Variants in PTP4A1 observed in about 807,000 individuals in gnomAD.
PTP4A1 encodes protein tyrosine phosphatase 4A1, also known as protein tyrosine phosphatase type IVA 1.
PTP4A1 carries 9 observed loss-of-function variants against 20.5 expected under a neutral mutation model. The ratio of observed to expected loss-of-function variants is 0.44; its 90% confidence interval spans 0.26 to 0.77. The LOEUF is 0.77. PTP4A1 is among the 30% of genes least tolerant of loss of function. The pLI is 0.19. For missense variants in PTP4A1, 137 were observed against 218.8 expected, an observed-to-expected ratio of 0.63 and a Z score of 2.36; for synonymous variants, 78 against 67.4, an observed-to-expected ratio of 1.16 and a Z score of -0.77.
At chr6:63,568,933 C>T (rs1260712387), upstream of PTP4A1, among the ~76,000 whole-genome samples, 1 of 152,036 alleles carries the variant, frequency 6.6e-6, no homozygotes, top group Non-Finnish European at 1.5e-5. Context: ...GCCTCTATTA[C>T]ATATATTTGC....
At chr6:63,561,282 T>G (rs1776939367) in intron 3 of PTP4A1, among the ~76,000 whole-genome samples, 1 of 152,150 alleles carries the variant, frequency 6.6e-6, no homozygotes, top group Non-Finnish European at 1.5e-5. Flanking sequence ...ATAATGGGAG[T>G]AATATCAATC....
At chr6:63,551,597 T>C (rs893065120) in intron 3 of PTP4A1, among the ~76,000 whole-genome samples, 3 of 152,192 alleles carry the variant, frequency 2.0e-5, no homozygotes, top group Non-Finnish European at 4.4e-5. Context: ...GCAGGTTTGT[T>C]ACATATGTAT....
intron 3 of PTP4A1, among the ~76,000 whole-genome samples, chr6:63,560,277 A>C (rs1776878902): frequency 6.7e-6 from 1 of 150,112 alleles, no homozygotes; most frequent in Admixed American, 6.6e-5. Context: ...AGCAGAGGTT[A>C]AAGTGAGCTG....
At chr6:63,525,502 A>G (rs1285129207) in intron 1 of PTP4A1, among the ~76,000 whole-genome samples, 2 of 152,116 alleles carry the variant, frequency 1.3e-5, no homozygotes, top group African/African-American at 4.8e-5. Context: ...TCCAGTTTCC[A>G]CTATTTCCCC....
At chr6:63,536,103 C>A (rs1039558304) in intron 2 of PTP4A1, among the ~76,000 whole-genome samples, 1 of 151,686 alleles carries the variant, frequency 6.6e-6, no homozygotes, top group Non-Finnish European at 1.5e-5. Flanking sequence ...AGGCCGAGGC[C>A]GGTGCATCAC....
chr6:63,522,130 G>C (rs1040776809), intron 1 of PTP4A1, among the ~76,000 whole-genome samples: 1 of 152,198 alleles, frequency 6.6e-6, no homozygotes, highest in Non-Finnish European at 1.5e-5. Context: ...TTGTCTTCCA[G>C]ATTAGGCTCT....
At chr6:63,529,477 T>G (rs1775358563) in intron 2 of PTP4A1, among the ~76,000 whole-genome samples, 1 of 152,098 alleles carries the variant, frequency 6.6e-6, no homozygotes, top group Non-Finnish European at 1.5e-5. Context: ...TCCTCCTCCT[T>G]CACCCCTCCC....
At position 63,581,382 on chromosome 6, in the gene PTP4A1, A is replaced by G. The variant is rs1388540473; in HGVS notation, c.*1208A>G. 3.3e-5 allele frequency: 5 copies of G among 152,632 alleles called. No individual in the cohort carries two copies. Among genetic ancestry groups the G allele is most frequent in the Admixed American group, 6.5e-5 (1 of 15,274 alleles). 9.5% of individuals were successfully genotyped at this position (152,632 alleles called of 1,614,324 possible). On this transcript the variant is annotated 3_prime_UTR_variant, in exon 6 of 6. Transcript: ENST00000626021. ...GTTCTGTGGGAGAAATAATTTTGTC[A>G]GTGTTCACCAGCTTGTAAAAACTTA...
At chr6:63,533,954 G>A (rs1366066156) in intron 2 of PTP4A1, among the ~76,000 whole-genome samples, 3 of 151,706 alleles carry the variant, frequency 2.0e-5, no homozygotes, top group Non-Finnish European at 4.4e-5. Flanking sequence ...AGTGATTCTC[G>A]TGCCTCAGCC....
At chr6:63,553,048 AC>A (rs2149491220) in intron 3 of PTP4A1, among the ~76,000 whole-genome samples, 1 of 152,326 alleles carries the variant, frequency 6.6e-6, no homozygotes, top group East Asian at 1.9e-4. Flanking sequence ...ATACAGATGT[AC>A]CAGCACTGTA....
chr6:63,569,442 G>C (rs1050004475), upstream of PTP4A1, among the ~76,000 whole-genome samples: 1 of 152,082 alleles, frequency 6.6e-6, no homozygotes, highest in Non-Finnish European at 1.5e-5. Flanking sequence ...ATTTTTAGTA[G>C]AGATGGGTTT....
chr6:63,537,858 G>A (rs1775789084), intron 2 of PTP4A1, among the ~76,000 whole-genome samples: 2 of 152,140 alleles, frequency 1.3e-5, no homozygotes, highest in Non-Finnish European at 1.5e-5. Context: ...CTGGCGAAAG[G>A]GCCACGGCCG....
In PTP4A1 at chr6:63,561,658, T is replaced by C. The variant is rs140188326; in HGVS notation, c.-446+11165T>C. Among the ~76,000 whole-genome samples the C allele has an allele frequency of 1.0e-2, 1,522 of 152,294 alleles. 9 individuals are homozygous for C. The highest frequency in any genetic ancestry group is 0.033 in the South Asian group (160 of 4,830). ...CCCAAGTCACCTTGGGTTTTAGATG[T>C]TTCCAAACGTTTAGAGGTGATTTCT... On this transcript the variant is annotated intron_variant, in intron 3 of 3. Coordinates refer to the PTP4A1 transcript ENST00000639568.
chr6:63,561,878 A>G (rs932731449), intron 3 of PTP4A1, among the ~76,000 whole-genome samples: 1 of 152,228 alleles, frequency 6.6e-6, no homozygotes, highest in African/African-American at 2.4e-5. Context: ...CTGTCAGGTT[A>G]GGATAACCTG....
intron 2 of PTP4A1, among the ~76,000 whole-genome samples, chr6:63,543,505 A>G (rs989365463): frequency 3.3e-5 from 5 of 152,226 alleles, no homozygotes; most frequent in African/African-American, 4.8e-5. Context: ...TTGTACTGAG[A>G]ACAGTATCTG....
chr6:63,524,861 G>T (rs1775091512), intron 1 of PTP4A1, among the ~76,000 whole-genome samples: 2 of 152,104 alleles, frequency 1.3e-5, no homozygotes, highest in South Asian at 4.1e-4. Flanking sequence ...GCGAGATGTG[G>T]CATACCACAA....
intron 2 of PTP4A1, among the ~76,000 whole-genome samples, chr6:63,532,096 G>T (rs531166729): frequency 3.0e-4 from 46 of 152,248 alleles, no homozygotes; most frequent in Middle Eastern, 6.8e-3. Flanking sequence ...ACCACGCCCG[G>T]TCAACCACAT....
At chr6:63,547,498 A>ATTT (rs752223359) in intron 2 of PTP4A1, among the ~76,000 whole-genome samples, 1 of 90,788 alleles carries the variant, frequency 1.1e-5, no homozygotes, top group Non-Finnish European at 2.2e-5. Flanking sequence ...CCAGGGGGGA[A>ATTT]TTTTTTTTTT....
chr6:63,523,220 A>G (rs1231059986), intron 1 of PTP4A1, among the ~76,000 whole-genome samples: 1 of 152,100 alleles, frequency 6.6e-6, no homozygotes, highest in Non-Finnish European at 1.5e-5. Flanking sequence ...AAAAACAACT[A>G]TAAAGTAAGT....
Sources: allele counts gnomAD v4.1 joint callset (sites outside exome capture counted in the v4.1 genomes callset), GRCh38; gene constraint gnomAD v4.1.1; transcripts MANE v1.5; gene names NCBI Gene and HGNC (gene_info 2026-07-23, HGNC 2026-07-21).